Variants in TNFRSF10B observed in about 807,000 individuals in gnomAD.
TNFRSF10B encodes tumor necrosis factor receptor superfamily member 10B.
Under a neutral mutation model 41.4 loss-of-function variants are expected in TNFRSF10B, and 35 were observed. The observed-to-expected ratio is 0.85, with a 90% CI of 0.65 to 1.12. TNFRSF10B has a LOEUF of 1.12. Ranked by LOEUF, TNFRSF10B falls within the 50% of genes most tolerant of loss-of-function variation. TNFRSF10B has a pLI of 0.00. For missense variants in TNFRSF10B, 584 were observed against 552.7 expected (o/e 1.06, Z -0.57); for synonymous variants, 230 against 215.5 (o/e 1.07, Z -0.59).
intron 2 of TNFRSF10B, among the ~76,000 whole-genome samples, chr8:23,041,638 A>G (rs145177168): frequency 6.6e-6 from 1 of 151,582 alleles, no homozygotes; most frequent in African/African-American, 2.4e-5. Context: ...ACCTCTTACT[A>G]GGAGTGAAGA....
chr8:23,051,423 G>A (rs1812515960), intron 1 of TNFRSF10B, among the ~76,000 whole-genome samples: 1 of 152,162 alleles, frequency 6.6e-6, no homozygotes, highest in South Asian at 2.1e-4. Context: ...ATCTGGCATA[G>A]AGGCTACAAA....
intron 1 of TNFRSF10B, among the ~76,000 whole-genome samples, chr8:23,067,548 G>A (rs1813025889): frequency 6.6e-6 from 1 of 152,048 alleles, no homozygotes. Flanking sequence ...ACCACCCAAA[G>A]AGAGGCAAGA....
At position 23,022,791 on chromosome 8, in the gene TNFRSF10B, G is replaced by C; in HGVS notation, c.1203C>G (p.Thr401=). 1.2e-6 allele frequency: 2 copies of C among 1,613,860 alleles called. No homozygotes were observed. The highest frequency in any genetic ancestry group is 1.7e-6 in the Non-Finnish European group (2 of 1,179,902). ...CCAGCGTCTCCAAGGCATCCAGCAG[G>C]GTGTGGACAGAGGCATCTCGCCCGG... The part of the protein sequence containing the change: ...NKTGRDASVH[T]LLDALETLGE... Residue 401 remains threonine (T), a synonymous_variant, in exon 9 of 9, where the codon ACC becomes ACG. Coordinates refer to ENST00000276431, the MANE Select transcript of TNFRSF10B (RefSeq NM_003842.5).
At chr8:23,046,617 A>T (rs1812370685) in intron 1 of TNFRSF10B, among the ~76,000 whole-genome samples, 1 of 24,950 alleles carries the variant, frequency 4.0e-5, no homozygotes, top group African/African-American at 1.2e-3. Flanking sequence ...TGCAACCATA[A>T]AAAAAAAAAA....
rs556819354 is a variant in TNFRSF10B, at chr8:23,020,607, G to T, written c.*2064C>A. ...CTCCGGAGGCTGAGGCACGAGAATC[G>T]CTTGAACCCAGGAGGCGGAGGTTGC... On this transcript the variant is annotated 3_prime_UTR_variant, in exon 9 of 9. Coordinates refer to ENST00000276431, the MANE Select transcript of TNFRSF10B (RefSeq NM_003842.5). The T allele has an allele frequency of 4.4e-6, 2 of 450,988 alleles. No individual in the cohort carries two copies. The highest frequency in any genetic ancestry group is 4.7e-5 in the Admixed American group (2 of 42,390). 27.9% of individuals were successfully genotyped at this position (450,988 alleles called of 1,614,324 possible).
chr8:23,045,058 T>TAAAAAAA (rs1812315082), intron 1 of TNFRSF10B, among the ~76,000 whole-genome samples: 1 of 10,202 alleles, frequency 9.8e-5, no homozygotes, highest in African/African-American at 5.7e-4. Context: ...CCTAATAAAA[T>TAAAAAAA]ACAAAAAAAA....
Position 23,021,275 on chromosome 8 carries a change from C to T in TNFRSF10B, c.*1396G>A, listed in dbSNP as rs971792081. ...TGTTGCCACAGTGTTTAAGAATTGACATTTCTGAGATGAGTCAGATGCTTA... is the reference window on the plus strand; with the variant it reads ...TGTTGCCACAGTGTTTAAGAATTGATATTTCTGAGATGAGTCAGATGCTTA... On this transcript the variant is annotated 3_prime_UTR_variant, in exon 9 of 9. Transcript: ENST00000276431. 9 of 454,014 alleles carry T rather than the reference C, an allele frequency of 2.0e-5. No individual in the cohort carries two copies. The highest frequency in any genetic ancestry group is 6.9e-5 in the East Asian group (1 of 14,410). The allele number at this position is 454,014 out of a possible 1,614,324, so 28.1% of individuals were successfully genotyped here.
intron 5 of TNFRSF10B, 151 bp downstream of exon 5, chr8:23,028,180 G>A (rs902941041): frequency 1.9e-6 from 2 of 1,028,400 alleles, no homozygotes; most frequent in East Asian, 2.5e-5. Flanking sequence ...TGCACGGGAT[G>A]TGGGGATGGG....
At chr8:23,033,278 A>G (rs1298960568) in intron 2 of TNFRSF10B, among the ~76,000 whole-genome samples, 1 of 152,188 alleles carries the variant, frequency 6.6e-6, no homozygotes, top group Admixed American at 6.5e-5. Context: ...GCTCAAAGGC[A>G]TACGAAGAGA....
chr8:23,046,458 T>C (rs954600533), intron 1 of TNFRSF10B, among the ~76,000 whole-genome samples: 13 of 151,852 alleles, frequency 8.6e-5, no homozygotes, highest in African/African-American at 3.1e-4. Context: ...GAGACACAAA[T>C]GCATGAAAAT....
At chr8:23,033,619 A>T (rs1360641639) in intron 2 of TNFRSF10B, among the ~76,000 whole-genome samples, 6 of 118,458 alleles carry the variant, frequency 5.1e-5, no homozygotes, top group African/African-American at 1.7e-4. Context: ...AAAAAAAAAA[A>T]AAGAACCCTG....
chr8:23,066,769 T>C (rs1180773041), intron 1 of TNFRSF10B, among the ~76,000 whole-genome samples: 1 of 151,810 alleles, frequency 6.6e-6, no homozygotes, highest in Non-Finnish European at 1.5e-5. Context: ...TGGTGGTGCA[T>C]GCCTGTAGTC....
chr8:23,060,201 A>T lies in TNFRSF10B; in HGVS notation c.144+8550T>A, dbSNP rs1812792863. 2.0e-5 allele frequency among the ~76,000 whole-genome samples: 3 copies of T among 152,356 alleles called. No individual in the cohort carries two copies. The South Asian group carries it at 6.2e-4, about 32-fold the overall frequency. On this transcript the variant is annotated intron_variant, in intron 1 of 8. Transcript: ENST00000276431. ...GCCTATGTCCATGGTGTCACATCCA[A>T]GAAATTATTGCCAAATCCAATGTCA...
At chr8:23,048,435 G>C (rs4541923) in intron 1 of TNFRSF10B, among the ~76,000 whole-genome samples, 36,162 of 127,338 alleles carry the variant, frequency 0.28, 4,805 homozygotes, top group Non-Finnish European at 0.3. Flanking sequence ...AAATTTTTGT[G>C]TCAAAAAAAA....
rs762469341 is a variant in TNFRSF10B at position 23,027,099 on chromosome 8, T to C, written c.936+34A>G. ...TCTACGAAATCCCAGGTGAGCAGCA[T>C]GCCAGGAAACAAAATGATCTGTCCC... is the stretch of plus-strand genomic sequence containing the variant. On this transcript the variant is annotated intron_variant, in intron 7 of 8. Transcript: ENST00000276431. The C allele has an allele frequency of 1.9e-5, 31 of 1,613,142 alleles. 1 individual carries two copies. In the South Asian group the frequency reaches 3.2e-4, roughly 17 times the overall value.
chr8:23,029,377 C>G (rs1473196418), intron 4 of TNFRSF10B, among the ~76,000 whole-genome samples: 2 of 152,130 alleles, frequency 1.3e-5, no homozygotes, highest in Non-Finnish European at 2.9e-5. Flanking sequence ...CAAGTCATGG[C>G]CTTCTGTGGT....
chr8:23,060,229 G>T (rs1023883225), intron 1 of TNFRSF10B, among the ~76,000 whole-genome samples: 2 of 152,184 alleles, frequency 1.3e-5, no homozygotes, highest in African/African-American at 4.8e-5. Context: ...CAATGTCACA[G>T]AATTTTTATC....
In TNFRSF10B at chr8:23,068,916, A is replaced by G. The variant is rs781761014; in HGVS notation, c.-22T>C. The G allele has an allele frequency of 1.2e-6, 2 of 1,613,190 alleles. No homozygotes were observed. The highest frequency in any genetic ancestry group is 1.1e-5 in the South Asian group (1 of 91,082). On this transcript the variant is annotated 5_prime_UTR_variant, in exon 1 of 9. Transcript: ENST00000276431. ...CCATGGCGGTAGGGAACGCTCTTAT[A>G]GTCTCTCAGGCCCGTGGGTTTCAGC...
At chr8:23,043,964 A>C (rs947277103) in intron 1 of TNFRSF10B, among the ~76,000 whole-genome samples, 8 of 152,206 alleles carry the variant, frequency 5.3e-5, no homozygotes, top group African/African-American at 1.9e-4. Context: ...AATTGCATGG[A>C]GCCACCATCA....
Sources: allele counts gnomAD v4.1 joint callset (sites outside exome capture counted in the v4.1 genomes callset), GRCh38; gene constraint gnomAD v4.1.1; transcripts MANE v1.5; gene names NCBI Gene and HGNC (gene_info 2026-07-23, HGNC 2026-07-21).